Variants in TRPC4 observed in about 807,000 individuals in gnomAD.
TRPC4 encodes the protein short transient receptor potential channel 4.
A neutral mutation model predicts 99.4 loss-of-function variants in TRPC4; 49 were observed. The observed-to-expected ratio is 0.49, with a 90% CI of 0.39 to 0.63. The LOEUF (loss-of-function observed/expected upper bound fraction) is 0.63, where lower values mean the gene tolerates loss of function less well. TRPC4 is among the 20% of genes least tolerant of loss of function. The pLI is 0.00. For synonymous variants in TRPC4, 454 were observed against 425.9 expected, an observed-to-expected ratio of 1.07 and a Z score of -0.81; for missense variants, 898 against 1,152.9, an observed-to-expected ratio of 0.78 and a Z score of 3.20.
intron 3 of TRPC4, among the ~76,000 whole-genome samples, chr13:37,745,711 C>CCTT (rs1955755184): frequency 6.6e-6 from 1 of 151,684 alleles, no homozygotes; most frequent in Non-Finnish European, 1.5e-5. Flanking sequence ...ATACCACAGT[C>CCTT]AATGTGTACA....
chr13:37,802,751 C>T (rs1957434556), intron 1 of TRPC4, among the ~76,000 whole-genome samples: 1 of 152,076 alleles, frequency 6.6e-6, no homozygotes, highest in Admixed American at 6.6e-5. Flanking sequence ...AGTTTTTAGA[C>T]ATATGTCAGA....
intron 3 of TRPC4, among the ~76,000 whole-genome samples, chr13:37,720,398 G>A (rs891176069): frequency 6.6e-6 from 1 of 152,004 alleles, no homozygotes; most frequent in Admixed American, 6.6e-5. Context: ...GTAATGGGAC[G>A]CCTAAGTCTG....
intron 1 of TRPC4, among the ~76,000 whole-genome samples, chr13:37,843,960 G>A (rs1344012567): frequency 6.6e-6 from 1 of 152,144 alleles, no homozygotes; most frequent in Admixed American, 6.5e-5. Context: ...CCTCTCCCAA[G>A]CTGGCACAGG....
intron 1 of TRPC4, among the ~76,000 whole-genome samples, chr13:37,845,105 C>T (rs1958855788): frequency 6.6e-6 from 1 of 152,088 alleles, no homozygotes; most frequent in Non-Finnish European, 1.5e-5. Context: ...AAGAATCCAC[C>T]CAGTCTAATT....
intron 5 of TRPC4, among the ~76,000 whole-genome samples, chr13:37,665,403 C>T (rs1293072354): frequency 6.6e-6 from 1 of 152,110 alleles, no homozygotes; most frequent in Non-Finnish European, 1.5e-5. Context: ...TTTTAAAATA[C>T]ACAAAAAATG....
chr13:37,692,484 T>C (rs897117183), intron 3 of TRPC4, 149 bp from the exon 4 acceptor site: 3 of 762,528 alleles, frequency 3.9e-6, no homozygotes, highest in Non-Finnish European at 6.2e-6. Flanking sequence ...CTTTAAGTCA[T>C]TCTGTGAATA....
At chr13:37,825,603 T>C (rs1958179767) in intron 1 of TRPC4, among the ~76,000 whole-genome samples, 1 of 146,366 alleles carries the variant, frequency 6.8e-6, no homozygotes, top group Admixed American at 6.9e-5. Context: ...TTCTTAATCC[T>C]GAGTTCTAGT....
At chr13:37,666,940 T>TA (rs34498749) in intron 5 of TRPC4, among the ~76,000 whole-genome samples, 74,004 of 151,984 alleles carry the variant, frequency 0.49, 18,552 homozygotes, top group Middle Eastern at 0.57. Flanking sequence ...ACTTCTCACC[T>TA]AACAGCCCTA....
chr13:37,828,191 G>T (rs1018546198), intron 1 of TRPC4, among the ~76,000 whole-genome samples: 15 of 152,180 alleles, frequency 9.9e-5, no homozygotes, highest in African/African-American at 3.6e-4. Context: ...CTAGTGAGAT[G>T]AACCCGGTAC....
chr13:37,743,729 T>C (rs1955660569), intron 3 of TRPC4, among the ~76,000 whole-genome samples: 1 of 152,150 alleles, frequency 6.6e-6, no homozygotes, highest in Non-Finnish European at 1.5e-5. Flanking sequence ...AATATAAATA[T>C]AAATATGCAA....
At position 37,812,176 on chromosome 13, in the gene TRPC4, C is replaced by CAAAAAAAAAAAAAAAAAAAAAAAAAAAA. The variant is rs61607544; in HGVS notation, c.-27-28817_-27-28816insTTTTTTTTTTTTTTTTTTTTTTTTTTTT. 1.3e-3 allele frequency among the ~76,000 whole-genome samples: 73 copies of CAAAAAAAAAAAAAAAAAAAAAAAAAAAA among 55,146 alleles called. 8 individuals carry two copies. The highest frequency in any genetic ancestry group is 1.8e-3 in the Admixed American group (7 of 3,928). 36.2% of individuals were successfully genotyped at this position (55,146 alleles called of 152,430 possible). A position where few individuals can be genotyped will look rare whatever the true frequency, so the allele number is the denominator to read the frequency against. ...CCTAGGCAACAGACTGAGACTCTAT[C>CAAAAAAAAAAAAAAAAAAAAAAAAAAAA]AAAAAAAAAAAAAAAAAAACCAGGA... On this transcript the variant is annotated intron_variant, in intron 1 of 10. Transcript: ENST00000379705.
chr13:37,784,828 A>T (rs1437293981), intron 1 of TRPC4, among the ~76,000 whole-genome samples: 2 of 152,064 alleles, frequency 1.3e-5, no homozygotes, highest in African/African-American at 4.8e-5. Flanking sequence ...CAAGGAATTA[A>T]TTTTTACCCT....
At chr13:37,696,340 T>C (rs1210180868) in intron 3 of TRPC4, among the ~76,000 whole-genome samples, 1 of 152,054 alleles carries the variant, frequency 6.6e-6, no homozygotes, top group East Asian at 1.9e-4. Context: ...ATATCAACTA[T>C]CTAGAAAAGT....
intron 3 of TRPC4, among the ~76,000 whole-genome samples, chr13:37,702,996 A>G (rs549188265): frequency 2.6e-4 from 39 of 152,272 alleles, no homozygotes; most frequent in African/African-American, 9.1e-4. Context: ...GGTTGGAAAA[A>G]AGAAGGGTCA....
intron 4 of TRPC4, among the ~76,000 whole-genome samples, chr13:37,679,898 G>A (rs1953179726): frequency 2.0e-5 from 3 of 152,090 alleles, no homozygotes; most frequent in Admixed American, 1.3e-4. Flanking sequence ...TATCCAGTGC[G>A]AAAAAATGCT....
chr13:37,833,917 TTTATC>T (rs1174524866), intron 1 of TRPC4, among the ~76,000 whole-genome samples: 1 of 152,232 alleles, frequency 6.6e-6, no homozygotes, highest in African/African-American at 2.4e-5. Flanking sequence ...ACAGTACAGT[TTTATC>T]TTCAAACAAG....
intron 1 of TRPC4, among the ~76,000 whole-genome samples, chr13:37,825,041 T>C (rs1566200385): frequency 6.6e-6 from 1 of 151,646 alleles, no homozygotes; most frequent in East Asian, 2.0e-4. Flanking sequence ...TTCTTCTAGA[T>C]TTTCTAGTTT....
At chr13:37,806,198 G>A (rs1337519575) in intron 1 of TRPC4, among the ~76,000 whole-genome samples, 1 of 151,994 alleles carries the variant, frequency 6.6e-6, no homozygotes, top group African/African-American at 2.4e-5. Context: ...AGAGGTGTCA[G>A]TCATACAAAG....
chr13:37,737,426 A>G (rs1955432586), intron 3 of TRPC4, among the ~76,000 whole-genome samples: 1 of 152,116 alleles, frequency 6.6e-6, no homozygotes, highest in Admixed American at 6.6e-5. Flanking sequence ...GGGGCAGAAA[A>G]GAGCACTATA....
Sources: allele counts gnomAD v4.1 joint callset (sites outside exome capture counted in the v4.1 genomes callset), GRCh38; gene constraint gnomAD v4.1.1; transcripts MANE v1.5; gene names NCBI Gene and HGNC (gene_info 2026-07-23, HGNC 2026-07-21).